Variants in DNAH3 observed in about 807,000 individuals in gnomAD.
The protein encoded by DNAH3 is dynein axonemal heavy chain 3.
DNAH3 carries 332 observed loss-of-function variants against 432.5 expected under a neutral mutation model. The ratio of observed to expected loss-of-function variants is 0.77; its 90% CI spans 0.70 to 0.84. DNAH3 has a LOEUF of 0.84. Among genes scored for constraint, DNAH3 ranks in the 40% least tolerant of loss-of-function variants. The probability of loss-of-function intolerance (pLI) is 0.00; values close to 1 mark genes in which losing one functional copy is unlikely to be tolerated. For synonymous variants in DNAH3, 1,956 were observed against 1,900.2 expected (o/e 1.03, Z -0.76); for missense variants, 4,861 against 5,114.0 (o/e 0.95, Z 1.51).
intron 24 of DNAH3, among the ~76,000 whole-genome samples, chr16:21,064,762 T>C (rs1281571636): frequency 6.6e-6 from 1 of 152,312 alleles, no homozygotes; most frequent in East Asian, 1.9e-4. Flanking sequence ...ATTTTCAAGA[T>C]GAAATTAACT....
intron 40 of DNAH3, 51 bp from the exon 41 acceptor site, chr16:21,019,920 G>T (rs1218481265): frequency 6.3e-7 from 1 of 1,594,586 alleles, no homozygotes. Flanking sequence ...TGCCACAGAT[G>T]TAAGGGCTGT....
Position 21,062,561 on chromosome 16 carries a change from T to C in DNAH3, c.3641A>G (p.Asn1214Ser), listed in dbSNP as rs1567723125. The C allele has an allele frequency of 5.0e-6, 8 of 1,614,070 alleles. No individual in the cohort carries two copies. Among genetic ancestry groups the C allele is most frequent in the African/African-American group, 2.7e-5 (2 of 74,934 alleles). ...GCTGATCATGCCCACAATTTCCAGA[T>C]TGTCTGTAAACTCAAGCTTGGCAAT... Residue 1214 changes from asparagine to serine, a missense_variant, in exon 25 of 62, where the codon AAT becomes AGT. Asn to Ser is a conservative substitution (Grantham distance 46). Transcript: ENST00000261383.
chr16:21,010,888 G>T (rs1162246512), intron 41 of DNAH3, among the ~76,000 whole-genome samples: 4 of 138,830 alleles, frequency 2.9e-5, no homozygotes, highest in African/African-American at 8.4e-5. Flanking sequence ...GCCAAAACCT[G>T]TTTTTTTTTT....
chr16:21,020,341 A>AGTGTGTGT (rs1196037950), intron 40 of DNAH3, among the ~76,000 whole-genome samples: 8 of 60,400 alleles, frequency 1.3e-4, no homozygotes, highest in East Asian at 7.4e-4. Flanking sequence ...ATAATAATAT[A>AGTGTGTGT]GTGTGTGTAT....
At chr16:21,029,454 G>T (rs1234432603) in intron 37 of DNAH3, among the ~76,000 whole-genome samples, 1 of 152,258 alleles carries the variant, frequency 6.6e-6, no homozygotes, top group South Asian at 2.1e-4. Context: ...CATCAGAAGA[G>T]GTGTATAAAT....
chr16:20,971,115 G>A lies in DNAH3; in HGVS notation c.8260-1125C>T, dbSNP rs372573301. On this transcript the variant is annotated intron_variant, in intron 51 of 61. Transcript: ENST00000261383. ...ACTCCTGACCTCAAGTGATCCGCCC[G>A]CCTCGGCCTCCCAAAGTGCTGGGAT... 2.8e-4 allele frequency among the ~76,000 whole-genome samples: 43 copies of A among 151,942 alleles called. No homozygotes were observed. In the East Asian group the frequency reaches 7.3e-3, roughly 26 times the overall value.
intron 5 of DNAH3, among the ~76,000 whole-genome samples, chr16:21,138,695 A>G (rs2092677470): frequency 6.6e-6 from 1 of 152,162 alleles, no homozygotes. Flanking sequence ...CTGTAATCCC[A>G]GCTACTTGGG....
chr16:21,035,192 T>A (rs941893323), intron 35 of DNAH3, among the ~76,000 whole-genome samples: 1 of 152,150 alleles, frequency 6.6e-6, no homozygotes, highest in Non-Finnish European at 1.5e-5. Context: ...CCGGGCATAG[T>A]GGCACATGCC....
At chr16:21,116,385 C>G (rs946279293) in intron 12 of DNAH3, among the ~76,000 whole-genome samples, 1 of 151,908 alleles carries the variant, frequency 6.6e-6, no homozygotes, top group Non-Finnish European at 1.5e-5. Context: ...TGAGTTCTCA[C>G]GAGATCTGAT....
intron 42 of DNAH3, 123 bp from the exon 43 acceptor site, chr16:21,000,641 G>GTCTTTAACC (rs773412000): frequency 7.5e-6 from 6 of 805,004 alleles, no homozygotes; most frequent in Non-Finnish European, 1.2e-5. Context: ...CCTTAGGCGA[G>GTCTTTAACC]TCTTTAACCT....
intron 48 of DNAH3, 96 bp downstream of exon 48, chr16:20,984,953 C>T (rs2086115907): frequency 1.8e-6 from 2 of 1,104,964 alleles, no homozygotes; most frequent in Non-Finnish European, 2.6e-6. Flanking sequence ...CTGAATCAAC[C>T]CTGGGACCAT....
intron 24 of DNAH3, among the ~76,000 whole-genome samples, chr16:21,063,529 AT>A (rs1344137670): frequency 7.3e-6 from 1 of 137,686 alleles, no homozygotes; most frequent in Non-Finnish European, 1.6e-5. Context: ...ATTTTATTTT[AT>A]TTTTATTTTT....
chr16:21,156,439 C>T lies in DNAH3; in HGVS notation c.117+2886G>A, dbSNP rs377483415. On this transcript the variant is annotated intron_variant, in intron 1 of 61. Coordinates refer to ENST00000261383, the Ensembl canonical transcript of DNAH3. ...TAGAGAAGAGGTTTCGCCATGTTGC[C>T]CAGGCTGGTCTCGAACTCCTAGACT... Among the ~76,000 whole-genome samples, 59 of 152,042 alleles carry T rather than the reference C, an allele frequency of 3.9e-4. 1 individual carries two copies. In the East Asian group the frequency reaches 5.4e-3, roughly 14 times the overall value.
chr16:21,129,726 G>A (rs1434106446), intron 7 of DNAH3, among the ~76,000 whole-genome samples: 1 of 151,952 alleles, frequency 6.6e-6, no homozygotes, highest in Non-Finnish European at 1.5e-5. Flanking sequence ...AACAGAGCAA[G>A]GCTCTGTCTC....
At chr16:20,984,708 A>C (rs1196039997) in intron 48 of DNAH3, among the ~76,000 whole-genome samples, 1 of 152,092 alleles carries the variant, frequency 6.6e-6, no homozygotes, top group African/African-American at 2.4e-5. Flanking sequence ...CTCTCTACTA[A>C]AAATACAAAA....
chr16:21,039,214 CT>C (rs200708542), intron 33 of DNAH3, among the ~76,000 whole-genome samples: 90 of 126,000 alleles, frequency 7.1e-4, no homozygotes, highest in East Asian at 2.8e-3. Flanking sequence ...TATAGTGTTG[CT>C]TTTTTTTTTT....
At chr16:21,117,500 C>A (rs190373402) in intron 11 of DNAH3, among the ~76,000 whole-genome samples, 161 bp from the exon 12 acceptor site, 5 of 152,266 alleles carry the variant, frequency 3.3e-5, no homozygotes, top group South Asian at 2.1e-4. Flanking sequence ...GTTTCCTCTA[C>A]CTCTGTTCTC....
chr16:20,980,281 A>ATATTATAATATACATCATC (rs2085822573), intron 49 of DNAH3, among the ~76,000 whole-genome samples: 1 of 141,088 alleles, frequency 7.1e-6, no homozygotes, highest in Non-Finnish European at 1.5e-5. Flanking sequence ...TATACATCAT[A>ATATTATAATATACATCATC]TATTATAATA....
rs984011437 is a variant in DNAH3 at position 21,053,698 on chromosome 16, C to T, written c.4039+722G>A. Among the ~76,000 whole-genome samples the T allele has an allele frequency of 2.0e-5, 3 of 152,062 alleles. 1 individual carries two copies. The highest frequency in any genetic ancestry group is 2.0e-4 in the Admixed American group (3 of 15,268). On this transcript the variant is annotated intron_variant, in intron 28 of 61. Coordinates refer to ENST00000261383, the Ensembl canonical transcript of DNAH3. ...GAGGGGAGTGAGATGCCATGAAATG[C>T]CAGGAGGGAGCTGGGAGTGTGAGCA...
Sources: gnomAD v4.1 joint callset for allele counts (sites outside exome capture counted in the v4.1 genomes callset) on GRCh38, gnomAD v4.1.1 for gene constraint, MANE v1.5 for transcripts, NCBI Gene and HGNC (gene_info 2026-07-23, HGNC 2026-07-21) for gene names.